MAGI2: variants seen among roughly 807,000 people sequenced by gnomAD.
MAGI2 encodes membrane-associated guanylate kinase, WW and PDZ domain-containing protein 2.
In MAGI2, 35 loss-of-function variants were observed where a neutral mutation model predicts 133.3. The ratio of observed to expected loss-of-function variants is 0.26; its 90% CI spans 0.20 to 0.35. MAGI2 has a LOEUF of 0.35. Among genes scored for constraint, MAGI2 ranks in the 10% least tolerant of loss-of-function variants. The pLI is 1.00. For missense variants in MAGI2, 1,636 were observed against 1,863.4 expected (o/e 0.88, Z 2.25); for synonymous variants, 729 against 710.6 (o/e 1.03, Z -0.41).
intron 9 of MAGI2, among the ~76,000 whole-genome samples, chr7:78,273,943 G>A (rs115233982): frequency 3.3e-5 from 5 of 151,998 alleles, no homozygotes; most frequent in Non-Finnish European, 5.9e-5. Flanking sequence ...CTGTCAGTTC[G>A]TCAAACTCAT....
chr7:79,408,984 A>C (rs1845980902), intron 1 of MAGI2, among the ~76,000 whole-genome samples: 1 of 152,174 alleles, frequency 6.6e-6, no homozygotes. Flanking sequence ...CATTCTAAAT[A>C]GGTCTTGCCT....
chr7:78,317,955 C>T (rs763227311), intron 9 of MAGI2, among the ~76,000 whole-genome samples: 3 of 152,142 alleles, frequency 2.0e-5, no homozygotes, highest in Admixed American at 6.5e-5. Context: ...GACACAGAAA[C>T]CCCGTTGGAA....
intron 3 of MAGI2, among the ~76,000 whole-genome samples, chr7:78,602,450 A>G (rs1805306319): frequency 6.6e-6 from 1 of 152,196 alleles, no homozygotes; most frequent in East Asian, 1.9e-4. Flanking sequence ...ATGAGCCACC[A>G]TACCCGGCCG....
intron 2 of MAGI2, among the ~76,000 whole-genome samples, chr7:78,649,602 A>G (rs573270631): frequency 1.1e-4 from 17 of 152,284 alleles, no homozygotes; most frequent in African/African-American, 4.1e-4. Flanking sequence ...CTTTGTGACT[A>G]CACCTGGCTA....
chr7:78,496,606 G>A (rs1418485277), intron 5 of MAGI2, among the ~76,000 whole-genome samples: 1 of 152,130 alleles, frequency 6.6e-6, no homozygotes, highest in African/African-American at 2.4e-5. Context: ...GCCAATGTTT[G>A]TTTCTATTGG....
At chr7:78,729,048 A>C (rs1821114396) in intron 2 of MAGI2, among the ~76,000 whole-genome samples, 1 of 152,190 alleles carries the variant, frequency 6.6e-6, no homozygotes, top group South Asian at 2.1e-4. Flanking sequence ...GATATCAGCC[A>C]CTTGTAATGG....
chr7:79,096,030 G>C (rs139875292), intron 1 of MAGI2, among the ~76,000 whole-genome samples: 1 of 152,098 alleles, frequency 6.6e-6, no homozygotes, highest in African/African-American at 2.4e-5. Flanking sequence ...GCAGGGCTGT[G>C]CCTGAGGATG....
At chr7:78,631,959 T>C (rs563262989) in intron 2 of MAGI2, among the ~76,000 whole-genome samples, 3 of 152,218 alleles carry the variant, frequency 2.0e-5, no homozygotes, top group African/African-American at 7.2e-5. Flanking sequence ...AGCATCTTCA[T>C]AGGGCTAATG....
At chr7:78,414,159 C>T (rs1274066701) in intron 6 of MAGI2, among the ~76,000 whole-genome samples, 3 of 151,840 alleles carry the variant, frequency 2.0e-5, no homozygotes, top group South Asian at 2.1e-4. Flanking sequence ...TTCACTGAAG[C>T]ATCATTTTAG....
intron 21 of MAGI2, among the ~76,000 whole-genome samples, chr7:78,066,973 C>T (rs1381729790): frequency 6.6e-6 from 1 of 152,178 alleles, no homozygotes; most frequent in Non-Finnish European, 1.5e-5. Flanking sequence ...GAATTGCACT[C>T]CACATCAATT....
At chr7:78,512,387 T>G (rs1464056257) in intron 4 of MAGI2, among the ~76,000 whole-genome samples, 1 of 152,064 alleles carries the variant, frequency 6.6e-6, no homozygotes, top group Non-Finnish European at 1.5e-5. Context: ...GAAGAAATGA[T>G]TTATATATGT....
At position 78,346,225 on chromosome 7, in the gene MAGI2, A is replaced by G. The variant is rs149595008; in HGVS notation, c.1104-182T>C. 3.2e-3 allele frequency among the ~76,000 whole-genome samples: 489 copies of G among 152,336 alleles called. 5 individuals are homozygous for G. Among genetic ancestry groups the G allele is most frequent in the Middle Eastern group, 0.02 (6 of 294 alleles). On this transcript the variant is annotated intron_variant, in intron 7 of 21. Coordinates refer to ENST00000354212, the MANE Select transcript of MAGI2 (RefSeq NM_012301.4). ...CCTGTGTACAACACACATTTCTGTG[A>G]CAAGTGCTGAGTTTTCAAAGGCTCT...
At chr7:78,588,015 T>G (rs1450762320) in intron 3 of MAGI2, among the ~76,000 whole-genome samples, 3 of 152,192 alleles carry the variant, frequency 2.0e-5, no homozygotes, top group Admixed American at 1.3e-4. Flanking sequence ...GTTTACTGGC[T>G]GTGTGTGACT....
intron 2 of MAGI2, among the ~76,000 whole-genome samples, chr7:78,732,565 T>G (rs1042496953): frequency 2.0e-5 from 3 of 152,164 alleles, no homozygotes; most frequent in Non-Finnish European, 4.4e-5. Context: ...TGATGTATTT[T>G]GGATATGTGA....
At chr7:79,292,270 C>T (rs1259469101) in intron 1 of MAGI2, among the ~76,000 whole-genome samples, 1 of 151,984 alleles carries the variant, frequency 6.6e-6, no homozygotes, top group Non-Finnish European at 1.5e-5. Context: ...CATTTATTTA[C>T]TTATTTATTT....
At chr7:78,052,565 G>C (rs768110109) in intron 21 of MAGI2, among the ~76,000 whole-genome samples, 12 of 152,188 alleles carry the variant, frequency 7.9e-5, no homozygotes, top group Non-Finnish European at 5.9e-5. Flanking sequence ...CTAAGACAAA[G>C]GGGCAGCCAG....
chr7:79,450,010 A>C (rs1849134199), intron 1 of MAGI2, among the ~76,000 whole-genome samples: 1 of 151,422 alleles, frequency 6.6e-6, no homozygotes, highest in South Asian at 2.1e-4. Flanking sequence ...AATAAAATTA[A>C]GTAAATAATG....
At chr7:78,612,472 T>C (rs1806554528) in intron 3 of MAGI2, among the ~76,000 whole-genome samples, 1 of 152,000 alleles carries the variant, frequency 6.6e-6, no homozygotes, top group Admixed American at 6.5e-5. Context: ...AATTAAAAAA[T>C]AACATTAGAA....
intron 3 of MAGI2, chr7:78,615,555 AG>A (rs1806989006): frequency 6.6e-6 from 1 of 152,240 alleles, no homozygotes; most frequent in South Asian, 2.1e-4. Context: ...ACCAGCCAAA[AG>A]GGAACAGATC....
Sources: allele counts gnomAD v4.1 joint callset (sites outside exome capture counted in the v4.1 genomes callset), GRCh38; gene constraint gnomAD v4.1.1; transcripts MANE v1.5; gene names NCBI Gene and HGNC (gene_info 2026-07-23, HGNC 2026-07-21).